PPFIA3: variants seen among roughly 807,000 people sequenced by gnomAD.
The protein encoded by PPFIA3 is liprin-alpha-3.
In PPFIA3, 26 loss-of-function variants were observed where a neutral mutation model predicts 145.8. That is an observed-to-expected ratio of 0.18 (90% CI 0.13 to 0.25). PPFIA3 has a LOEUF of 0.25. PPFIA3 is among the 10% of genes least tolerant of loss of function. The pLI, the probability that PPFIA3 is intolerant of heterozygous loss-of-function variation, is 1.00. For synonymous variants in PPFIA3, 645 were observed against 661.4 expected, an observed-to-expected ratio of 0.98 and a Z score of 0.38; for missense variants, 1,008 against 1,587.8, an observed-to-expected ratio of 0.63 and a Z score of 6.21.
chr19:49,142,865 C>T lies in PPFIA3; in HGVS notation c.2606C>T (p.Ala869Val). Residue 869 changes from alanine (A) to valine (V), a missense_variant, in exon 21 of 30, where the codon GCC (alanine) becomes GTC (valine). Around this residue, in one of 11 missense-constraint regions of PPFIA3, gnomAD observed 154 missense variants for 369.2 expected, o/e 0.42. Transcript: ENST00000334186. ...AACRANVKSG[A>V]IMANLSDTEI... The stretch of plus-strand genomic sequence containing the variant: ...TGCCGGGCCAATGTCAAGAGCGGTG[C>T]CATCATGGCCAACCTGTCAGACACG... The T allele has an allele frequency of 6.2e-7, 1 of 1,614,026 alleles. No individual in the cohort carries two copies. The highest frequency in any genetic ancestry group is 8.5e-7 in the Non-Finnish European group (1 of 1,180,018).
At chr19:49,125,821 G>T (rs1045566728) in intron 1 of PPFIA3, among the ~76,000 whole-genome samples, 2 of 152,172 alleles carry the variant, frequency 1.3e-5, no homozygotes, top group African/African-American at 4.8e-5. Flanking sequence ...AAAGGGACTG[G>T]GTCTTAGACT....
intron 18 of PPFIA3, among the ~76,000 whole-genome samples, chr19:49,140,639 C>CTT (rs4002348): frequency 6.9e-4 from 44 of 63,828 alleles, no homozygotes; most frequent in East Asian, 1.4e-3. Context: ...ACTCATTTAC[C>CTT]TTTTTTTTTT....
At chr19:49,129,319 G>A (rs746835859) in intron 4 of PPFIA3, 61 bp from the exon 5 acceptor site, 7 of 1,517,530 alleles carry the variant, frequency 4.6e-6, no homozygotes, top group South Asian at 1.2e-5. Context: ...TCTGGACCAG[G>A]GGCAACTGTC....
rs2041324897 is a variant in PPFIA3 at position 49,149,860 on chromosome 19, C to T, written c.3526+142C>T. The T allele has an allele frequency of 1.5e-5, 18 of 1,200,108 alleles. No individual in the cohort carries two copies. The highest frequency in any genetic ancestry group is 2.1e-5 in the Non-Finnish European group (18 of 875,634). The allele number at this position is 1,200,108 out of a possible 1,614,324, so 74.3% of individuals were successfully genotyped here. ...GGACTGCTCCAACGTTCCGGACTCC[C>T]CCGTCAGGATGAAATGGATAAATCC... On this transcript the variant is annotated intron_variant, in intron 28 of 29. Transcript: ENST00000334186. This position sits in a 1 kb window ranked among gnomAD's most constrained non-coding sequence, Gnocchi z 5.7.
chr19:49,143,232 C>T (rs1206625199), intron 21 of PPFIA3, among the ~76,000 whole-genome samples: 1 of 152,244 alleles, frequency 6.6e-6, no homozygotes, highest in African/African-American at 2.4e-5. Context: ...TCCCTCTCCT[C>T]GGCATTTGCT....
chr19:49,132,390 CAAAAAAAAAAAAA>C (rs11351172), intron 7 of PPFIA3, among the ~76,000 whole-genome samples: 35 of 43,678 alleles, frequency 8.0e-4, no homozygotes, highest in Middle Eastern at 0.021. Context: ...CTCTCTCTCT[CAAAAAAAAAAAAA>C]AAAAAAAAAA....
At chr19:49,134,255 G>A in intron 11 of PPFIA3, 90 bp downstream of exon 11, 1 of 1,484,610 alleles carries the variant, frequency 6.7e-7, no homozygotes, top group Non-Finnish European at 9.0e-7. Context: ...CCTCAGATCT[G>A]TTATCGGAGG....
At chr19:49,137,077 A>G (rs1338531173) in intron 15 of PPFIA3, 166 bp downstream of exon 15, 1 of 595,160 alleles carries the variant, frequency 1.7e-6, no homozygotes, top group South Asian at 3.4e-5. Flanking sequence ...CCTAGGATAC[A>G]CTCAGAAGTC....
In PPFIA3 at chr19:49,127,924, G is replaced by T; in HGVS notation, c.51G>T (p.Ser17=). The change falls in exon 2 of 30, where the codon TCG becomes TCT. Residue 17 remains serine (S), a synonymous_variant. Transcript: ENST00000334186. ...PTISEDGRRG[S]ALGPDEAGGE... ...TCAGCGAGGATGGCCGGCGGGGCTCGGCGCTGGGCCCGGACGAGGCGGGCG... is the reference window on the plus strand; with the variant it reads ...TCAGCGAGGATGGCCGGCGGGGCTCTGCGCTGGGCCCGGACGAGGCGGGCG... 1 of 1,592,428 alleles carries T rather than the reference G, an allele frequency of 6.3e-7. No individual in the cohort carries two copies. Among genetic ancestry groups the T allele is most frequent in the South Asian group, 1.1e-5 (1 of 90,622 alleles).
At chr19:49,138,472 A>T in intron 16 of PPFIA3, 45 bp downstream of exon 16, 1 of 1,441,398 alleles carries the variant, frequency 6.9e-7, no homozygotes, top group Non-Finnish European at 9.2e-7. Flanking sequence ...GGATGGGGAG[A>T]GGTCAGAGGC....
intron 24 of PPFIA3, 53 bp from the exon 25 acceptor site, chr19:49,148,613 C>G (rs1263497077): frequency 2.7e-5 from 38 of 1,385,752 alleles, no homozygotes; most frequent in Non-Finnish European, 3.6e-5. Flanking sequence ...GTAGGAGCAG[C>G]AGTCTAGGGG....
At chr19:49,135,691 C>T in intron 13 of PPFIA3, 88 bp from the exon 14 acceptor site, 2 of 1,393,480 alleles carry the variant, frequency 1.4e-6, no homozygotes, top group Non-Finnish European at 1.9e-6. Flanking sequence ...ACTTCAGGAC[C>T]CCTGGCCCTA....
At chr19:49,142,701 TC>T in intron 20 of PPFIA3, 102 bp from the exon 21 acceptor site, 1 of 1,021,802 alleles carries the variant, frequency 9.8e-7, no homozygotes. Flanking sequence ...TCTGTTTCGC[TC>T]CCCACCCCCT....
In PPFIA3 at chr19:49,138,407, C is replaced by T. The variant is rs767428591; in HGVS notation, c.2056C>T (p.Arg686Cys). 13 of 1,555,402 alleles carry T rather than the reference C, an allele frequency of 8.4e-6. No homozygotes were observed. Among genetic ancestry groups the T allele is most frequent in the South Asian group, 1.2e-5 (1 of 83,648 alleles). ...CCGCCTGGCACCCCCTAGCCCTGCC[C>T]GTGAGGGCACCGACAAGGCTGTGAG... is the stretch of plus-strand genomic sequence containing the variant. ...TPRLAPPSPA[R>C]EGTDKANHVP... The change falls in exon 16 of 30, where the codon CGT becomes TGT. Residue 686 changes from arginine to cysteine, a missense_variant. Transcript: ENST00000334186.
intron 1 of PPFIA3, among the ~76,000 whole-genome samples, chr19:49,127,383 TAAAAAAAA>T (rs34030131): frequency 3.5e-5 from 1 of 28,604 alleles, no homozygotes; most frequent in African/African-American, 1.4e-4. Context: ...TCACTCCAGC[TAAAAAAAA>T]AAAAAAAAAA....
At chr19:49,147,960 G>C in intron 23 of PPFIA3, 123 bp from the exon 24 acceptor site, 1 of 966,586 alleles carries the variant, frequency 1.0e-6, no homozygotes, top group Non-Finnish European at 1.6e-6. Context: ...AGCAGAGATT[G>C]GTCATTGTCC....
At chr19:49,123,060 A>G (rs1490316918) in intron 1 of PPFIA3, among the ~76,000 whole-genome samples, 1 of 143,994 alleles carries the variant, frequency 6.9e-6, no homozygotes, top group Non-Finnish European at 1.5e-5. Context: ...ACGGAGTCTC[A>G]CTCTGTCACC....
chr19:49,135,220 T>C (rs1245569577), intron 13 of PPFIA3, among the ~76,000 whole-genome samples: 2 of 151,932 alleles, frequency 1.3e-5, no homozygotes, highest in African/African-American at 4.8e-5. Flanking sequence ...TTTTGTAGTT[T>C]TAGTAGACAC....
At chr19:49,126,183 C>T (rs1341697036) in intron 1 of PPFIA3, among the ~76,000 whole-genome samples, 1 of 151,778 alleles carries the variant, frequency 6.6e-6, no homozygotes, top group South Asian at 2.1e-4. Context: ...CTCTTGACCT[C>T]GTGATCCAAC....
Sources: allele counts gnomAD v4.1 joint callset (sites outside exome capture counted in the v4.1 genomes callset), GRCh38; gene constraint gnomAD v4.1.1; regional missense constraint gnomAD v4.1.1; non-coding constraint Gnocchi (gnomAD v3.1); transcripts MANE v1.5; gene names NCBI Gene and HGNC (gene_info 2026-07-23, HGNC 2026-07-21).